The following TTC19 variants were observed in gnomAD, a reference collection of about 807,000 sequenced individuals.
TTC19 encodes tetratricopeptide repeat protein 19, mitochondrial.
A neutral mutation model predicts 49.5 loss-of-function variants in TTC19; 38 were observed. The ratio of observed to expected loss-of-function variants is 0.77; its 90% CI spans 0.59 to 1.01. The LOEUF is 1.01. Among genes scored for constraint, TTC19 ranks in the 50% least tolerant of loss-of-function variants. The pLI, the probability that TTC19 is intolerant of heterozygous loss-of-function variation, is 0.00. For missense variants in TTC19, 475 were observed against 477.7 expected (o/e 0.99, Z 0.05); for synonymous variants, 204 against 185.2 (o/e 1.10, Z -0.83).
intron 3 of TTC19, 74 bp downstream of exon 3, chr17:16,002,099 T>C (rs1970755480): frequency 1.0e-6 from 1 of 980,604 alleles, no homozygotes; most frequent in Non-Finnish European, 1.6e-6. Flanking sequence ...GTTCTTCTGA[T>C]TTATATTCCT....
chr17:16,013,764 C>G (rs1971141965), intron 7 of TTC19, among the ~76,000 whole-genome samples: 1 of 152,184 alleles, frequency 6.6e-6, no homozygotes, highest in African/African-American at 2.4e-5. Context: ...ACTGTTTTCA[C>G]ATGAATTTTA....
chr17:16,028,842 A>AAAAAAAAAAAAAAAC lies in TTC19; in HGVS notation c.*1324_*1325insAAAAAAAAAACAAAA. 2.6e-6 allele frequency: 1 copy of AAAAAAAAAAAAAAAC among 378,386 alleles called. No homozygotes were observed. The highest frequency in any genetic ancestry group is 1.9e-5 in the South Asian group (1 of 51,946). The allele number at this position is 378,386 out of a possible 1,614,324, so 23.4% of individuals were successfully genotyped here. A position where few individuals can be genotyped will look rare whatever the true frequency, so the allele number is the denominator to read the frequency against. On this transcript the variant is annotated 3_prime_UTR_variant, in exon 10 of 10. Transcript: ENST00000261647. ...TCAAAAAAAAAAAAAAAAAAAAAAA[A>AAAAAAAAAAAAAAAC]AAAACTTTCTGAAGAAAATAAAAAC...
At chr17:16,044,633 T>G in exon 3 of TTC19, 1 of 624,304 alleles carries the variant, frequency 1.6e-6, no homozygotes, top group Non-Finnish European at 3.1e-6. Context: ...GTCCTCTGTC[T>G]CCGAGCTCGC....
intron 2 of TTC19, among the ~76,000 whole-genome samples, chr17:16,035,269 C>T (rs1974075251): frequency 6.6e-6 from 1 of 152,192 alleles, no homozygotes; most frequent in African/African-American, 2.4e-5. Flanking sequence ...GCAATGATAG[C>T]ATTTTAGCCA....
intron 4 of TTC19, among the ~76,000 whole-genome samples, chr17:16,003,182 C>T (rs1363351581): frequency 1.3e-5 from 2 of 152,186 alleles, no homozygotes; most frequent in African/African-American, 4.8e-5. Flanking sequence ...GTTCTTTCTG[C>T]CTGCATCCCT....
intron 7 of TTC19, among the ~76,000 whole-genome samples, chr17:16,009,343 T>G (rs1332179061): frequency 6.6e-6 from 1 of 152,232 alleles, no homozygotes; most frequent in Non-Finnish European, 1.5e-5. Flanking sequence ...AAGCACTAAG[T>G]AAAAATCATC....
intron 7 of TTC19, among the ~76,000 whole-genome samples, chr17:16,018,510 T>C (rs1224323604): frequency 6.6e-6 from 1 of 152,192 alleles, no homozygotes; most frequent in Non-Finnish European, 1.5e-5. Flanking sequence ...TCTTTTGATT[T>C]GTTTTTTGTT....
At position 16,038,919 on chromosome 17, in the gene TTC19, C is replaced by G. The variant is rs146476336; in HGVS notation, c.248-5584C>G. 2.9e-3 allele frequency among the ~76,000 whole-genome samples: 434 copies of G among 152,188 alleles called. 20 individuals are homozygous for G. In the East Asian group the frequency reaches 0.05, roughly 18 times the overall value. On this transcript the variant is annotated intron_variant, in intron 2 of 2. Transcript: ENST00000470649. ...CTGAGTACCTGGGATTACAGGCACA[C>G]GCCATCATGCCCAGCTAATTTTTGT...
chr17:16,040,299 T>C, intron 2 of TTC19: 1 of 753,232 alleles, frequency 1.3e-6, no homozygotes, highest in Non-Finnish European at 2.3e-6. Context: ...TGGGTAAACC[T>C]TCCTTCACTA....
intron 7 of TTC19, chr17:16,023,794 C>CT (rs1191387010): frequency 6.6e-6 from 1 of 152,118 alleles, no homozygotes; most frequent in Admixed American, 6.5e-5. Flanking sequence ...GCAAGCTGCA[C>CT]TTTTTTTCTA....
At chr17:16,040,115 A>C (rs941431877) in intron 2 of TTC19, 90 of 501,316 alleles carry the variant, frequency 1.8e-4, no homozygotes, top group East Asian at 5.3e-5. Context: ...TCCACAGATA[A>C]CTCCTTAAGG....
At chr17:16,026,297 A>G (rs1461040410) in intron 8 of TTC19, among the ~76,000 whole-genome samples, 1 of 152,206 alleles carries the variant, frequency 6.6e-6, no homozygotes, top group East Asian at 1.9e-4. Context: ...ATTAATAAGC[A>G]CTGTCTGTTA....
intron 2 of TTC19, chr17:16,034,793 C>T (rs1351543627): frequency 6.2e-7 from 1 of 1,613,642 alleles, no homozygotes; most frequent in Non-Finnish European, 8.5e-7. Context: ...CTTCCCAGGC[C>T]CACCCTGGCG....
chr17:16,039,929 T>A (rs994985479), intron 2 of TTC19: 12 of 418,904 alleles, frequency 2.9e-5, no homozygotes, highest in African/African-American at 2.4e-4. Context: ...TAGCTGGGAC[T>A]ACAGGCACCC....
exon 3 of TTC19, chr17:16,044,642 GCCTGCA>G (rs1439728680): frequency 1.6e-6 from 1 of 637,498 alleles, no homozygotes; most frequent in Non-Finnish European, 3.0e-6. Flanking sequence ...CTCCGAGCTC[GCCTGCA>G]TCTACTCAGC....
intron 9 of TTC19, 113 bp from the exon 10 acceptor site, chr17:16,027,261 C>A: frequency 7.8e-7 from 1 of 1,287,274 alleles, no homozygotes; most frequent in Non-Finnish European, 1.1e-6. Context: ...CAGCTTGTCG[C>A]TTCATAAGCA....
chr17:16,021,251 G>C (rs748959892), intron 7 of TTC19, among the ~76,000 whole-genome samples: 1 of 152,186 alleles, frequency 6.6e-6, no homozygotes, highest in Admixed American at 6.5e-5. Context: ...TTAGCTGGGC[G>C]TGGTGGCGCA....
intron 7 of TTC19, among the ~76,000 whole-genome samples, chr17:16,013,330 T>TTAA (rs1971128562): frequency 6.6e-6 from 1 of 152,248 alleles, no homozygotes; most frequent in Non-Finnish European, 1.5e-5. Context: ...TTATTCATCT[T>TTAA]TAATAAATAC....
chr17:16,039,482 C>T (rs2057141206), intron 2 of TTC19: 1 of 1,614,072 alleles, frequency 6.2e-7, no homozygotes, highest in Non-Finnish European at 8.5e-7. Context: ...CACCACTGGT[C>T]ACAACTGAGG....
Sources: allele counts gnomAD v4.1 joint callset (sites outside exome capture counted in the v4.1 genomes callset), GRCh38; gene constraint gnomAD v4.1.1; transcripts MANE v1.5; gene names NCBI Gene and HGNC (gene_info 2026-07-23, HGNC 2026-07-21).